F13A1: variants seen among roughly 807,000 people sequenced by gnomAD.
F13A1 encodes FSF, A subunit.
F13A1 carries 47 observed loss-of-function variants against 80.1 expected under a neutral mutation model. That is an observed-to-expected ratio of 0.59 (90% CI 0.46 to 0.75). The LOEUF (loss-of-function observed/expected upper bound fraction) is 0.75. F13A1 is among the 30% of genes least tolerant of loss of function. The pLI is 0.00. For synonymous variants in F13A1, 349 were observed against 344.9 expected, an observed-to-expected ratio of 1.01 and a Z score of -0.13; for missense variants, 817 against 930.4, an observed-to-expected ratio of 0.88 and a Z score of 1.59.
In F13A1 at chr6:6,320,645, A is replaced by T. The variant is rs942992161; in HGVS notation, c.-77T>A. 4.3e-6 allele frequency: 2 copies of T among 470,146 alleles called. No homozygotes were observed. Among genetic ancestry groups the T allele is most frequent in the African/African-American group, 4.0e-5 (2 of 50,030 alleles). The allele number at this position is 470,146 out of a possible 1,614,324, so 29.1% of individuals were successfully genotyped here. On this transcript the variant is annotated 5_prime_UTR_variant, in exon 1 of 15. Transcript: ENST00000264870. The stretch of plus-strand genomic sequence containing the variant: ...TGGGCTTGCTCTGTGCGCCTCGGGG[A>T]CTTCCTCAAACGGACTCGGGAAAGA...
At chr6:6,197,175 CAA>C in intron 9 of F13A1, 46 bp downstream of exon 9, 1 of 1,576,110 alleles carries the variant, frequency 6.3e-7, no homozygotes, top group Non-Finnish European at 8.7e-7. Context: ...AAAAGCAAAA[CAA>C]AGATCAGCAA....
chr6:6,267,373 G>C lies in F13A1; in HGVS notation c.320-564C>G, dbSNP rs183306408. On this transcript the variant is annotated intron_variant, in intron 3 of 14. Transcript: ENST00000264870. ...CTAGGTGCCATGGCATCTAAGTAAT[G>C]CTCTTGAAGACTCATGGGACTCACC... Among the ~76,000 whole-genome samples, 3 of 152,258 alleles carry C rather than the reference G, an allele frequency of 2.0e-5. No individual in the cohort carries two copies. The East Asian group carries it at 5.8e-4, about 29-fold the overall frequency.
intron 8 of F13A1, among the ~76,000 whole-genome samples, chr6:6,212,252 G>A (rs1204641762): frequency 6.6e-6 from 1 of 152,238 alleles, no homozygotes; most frequent in African/African-American, 2.4e-5. Flanking sequence ...AAAGACAGCA[G>A]TAACCTCTGC....
intron 13 of F13A1, among the ~76,000 whole-genome samples, chr6:6,159,322 G>A (rs1159213252): frequency 6.6e-6 from 1 of 152,152 alleles, no homozygotes; most frequent in Non-Finnish European, 1.5e-5. Flanking sequence ...GGTTTCCAGG[G>A]TGTGAGCCGT....
chr6:6,179,486 G>A (rs181702107), intron 11 of F13A1, among the ~76,000 whole-genome samples: 4 of 152,236 alleles, frequency 2.6e-5, no homozygotes, highest in African/African-American at 9.6e-5. Flanking sequence ...GAGATTCAAC[G>A]GTGAGAATCA....
chr6:6,194,268 G>A lies in F13A1; in HGVS notation c.1305+1529C>T, dbSNP rs116395441. Reference sequence around the variant, plus strand: ...GAGGGACAAGGAGCAAGTCTCTCAGGGAGGTCCTCTGCACTGCGTTCCTTC... The same window carrying A: ...GAGGGACAAGGAGCAAGTCTCTCAGAGAGGTCCTCTGCACTGCGTTCCTTC... On this transcript the variant is annotated intron_variant, in intron 10 of 14. Coordinates refer to ENST00000264870, the MANE Select transcript of F13A1 (RefSeq NM_000129.4). 7.7e-3 allele frequency among the ~76,000 whole-genome samples: 1,176 copies of A among 152,174 alleles called. 6 individuals are homozygous for A. The highest frequency in any genetic ancestry group is 0.013 in the Non-Finnish European group (896 of 68,004).
intron 3 of F13A1, among the ~76,000 whole-genome samples, chr6:6,268,942 C>A (rs559121785): frequency 6.6e-6 from 1 of 152,082 alleles, no homozygotes; most frequent in East Asian, 1.9e-4. Context: ...CCCCCCGCCT[C>A]AGCCTCCCAA....
At chr6:6,289,944 C>G (rs935629770) in intron 3 of F13A1, among the ~76,000 whole-genome samples, 9 of 152,136 alleles carry the variant, frequency 5.9e-5, no homozygotes, top group East Asian at 1.9e-4. Context: ...GTCACTCCCT[C>G]CAAAGTAGCT....
At chr6:6,293,735 A>T (rs1583114750) in intron 3 of F13A1, among the ~76,000 whole-genome samples, 1 of 140,096 alleles carries the variant, frequency 7.1e-6, no homozygotes, top group South Asian at 2.5e-4. Flanking sequence ...AGAAGGGAGG[A>T]AGGGAGGAAG....
intron 1 of F13A1, among the ~76,000 whole-genome samples, chr6:6,318,945 G>C (rs1228973749): frequency 6.6e-6 from 1 of 152,114 alleles, no homozygotes; most frequent in African/African-American, 2.4e-5. Context: ...CTTATTCAAA[G>C]AAATTTAAAA....
intron 6 of F13A1, among the ~76,000 whole-genome samples, chr6:6,233,683 G>T (rs533032393): frequency 2.0e-5 from 3 of 152,200 alleles, no homozygotes; most frequent in African/African-American, 7.2e-5. Context: ...GATGAACACA[G>T]ATGCTAAAAT....
chr6:6,256,260 A>C lies in F13A1; in HGVS notation c.572-5331T>G, dbSNP rs529983520. Among the ~76,000 whole-genome samples the C allele has an allele frequency of 2.0e-5, 3 of 152,232 alleles. No homozygotes were observed. In the South Asian group the frequency reaches 6.2e-4, roughly 32 times the overall value. On this transcript the variant is annotated intron_variant, in intron 4 of 14. Coordinates refer to ENST00000264870, the MANE Select transcript of F13A1 (RefSeq NM_000129.4). ...GGCTTGTGTGGAATGTGGGAGCTGG[A>C]AACTATACTTAACTGAGGACTGAGG...
intron 3 of F13A1, among the ~76,000 whole-genome samples, chr6:6,291,700 T>C (rs1758226471): frequency 6.6e-6 from 1 of 152,180 alleles, no homozygotes; most frequent in South Asian, 2.1e-4. Flanking sequence ...TATCTGCTCA[T>C]TTGGTCTTTG....
At position 6,250,847 on chromosome 6, in the gene F13A1, G is replaced by A; in HGVS notation, c.654C>T (p.Val218=). The A allele has an allele frequency of 6.2e-7, 1 of 1,613,430 alleles. No homozygotes were observed. The highest frequency in any genetic ancestry group is 8.5e-7 in the Non-Finnish European group (1 of 1,179,628). ...TCCAGCTTCTGGTCTTGATGTCATT[G>A]ACCTCTCCATAAAAAATTACCCCGA... ...NDIGVIFYGE[V]NDIKTRSWSY... The change falls in exon 5 of 15, where the codon GTC becomes GTT. Residue 218 remains valine (V), a synonymous_variant. Transcript: ENST00000264870. This position sits in a 1 kb window ranked among gnomAD's most constrained non-coding sequence, Gnocchi z 4.2.
At chr6:6,169,859 G>A (rs1760741686) in intron 12 of F13A1, among the ~76,000 whole-genome samples, 1 of 152,226 alleles carries the variant, frequency 6.6e-6, no homozygotes. Flanking sequence ...AAGCGCTAAA[G>A]AGCTAGCTTT....
At chr6:6,206,435 G>T (rs568874927) in intron 8 of F13A1, 7 of 469,152 alleles carry the variant, frequency 1.5e-5, no homozygotes, top group African/African-American at 1.4e-4. Flanking sequence ...TTTATTAAAT[G>T]ATTCCCACTT....
intron 3 of F13A1, among the ~76,000 whole-genome samples, chr6:6,272,595 C>T (rs992257277): frequency 6.6e-6 from 1 of 152,172 alleles, no homozygotes; most frequent in African/African-American, 2.4e-5. Context: ...CTGGCCATAT[C>T]GTTAGGGAAA....
chr6:6,279,118 G>T (rs564246467), intron 3 of F13A1, among the ~76,000 whole-genome samples: 4 of 152,324 alleles, frequency 2.6e-5, no homozygotes, highest in African/African-American at 9.6e-5. Flanking sequence ...GTTGGAAATA[G>T]GGAGGAAAGT....
chr6:6,148,037 T>C (rs1435830522), intron 14 of F13A1, among the ~76,000 whole-genome samples: 2 of 152,246 alleles, frequency 1.3e-5, no homozygotes, highest in African/African-American at 4.8e-5. Context: ...TCTGTGCTTC[T>C]AGACCTTAGC....
Sources: allele counts gnomAD v4.1 joint callset (sites outside exome capture counted in the v4.1 genomes callset), GRCh38; gene constraint gnomAD v4.1.1; non-coding constraint Gnocchi (gnomAD v3.1); transcripts MANE v1.5; gene names NCBI Gene and HGNC (gene_info 2026-07-23, HGNC 2026-07-21).